Variants in EIF4B observed in about 807,000 individuals in gnomAD.
The protein encoded by EIF4B is eukaryotic translation initiation factor 4B.
Under a neutral mutation model 79.3 loss-of-function variants are expected in EIF4B, and 8 were observed. That is an observed-to-expected ratio of 0.10 (90% confidence interval 0.06 to 0.18). The LOEUF (loss-of-function observed/expected upper bound fraction) is 0.18. EIF4B is among the 10% of genes least tolerant of loss of function. EIF4B has a pLI of 1.00. For synonymous variants in EIF4B, 238 were observed against 274.7 expected (o/e 0.87, Z 1.32); for missense variants, 515 against 792.4 (o/e 0.65, Z 4.20).
chr12:53,031,196 C>T (rs996511895), intron 8 of EIF4B, among the ~76,000 whole-genome samples: 3 of 152,224 alleles, frequency 2.0e-5, no homozygotes, highest in African/African-American at 7.2e-5. Context: ...CTGTTTAGAC[C>T]TGTCTAGTTT....
intron 1 of EIF4B, among the ~76,000 whole-genome samples, chr12:53,010,061 A>G (rs1251274422): frequency 6.6e-6 from 1 of 152,230 alleles, no homozygotes; most frequent in Non-Finnish European, 1.5e-5. Flanking sequence ...TACCAAATCA[A>G]GAAGTTTAAC....
rs1943621415 is a variant in EIF4B, at chr12:53,040,788, C to CTCT, written c.*566_*567insCTT. 6.8e-6 allele frequency: 1 copy of CTCT among 147,876 alleles called. No homozygotes were observed. The highest frequency in any genetic ancestry group is 2.1e-4 in the South Asian group (1 of 4,708). The allele number at this position is 147,876 out of a possible 1,614,324, so 9.2% of individuals were successfully genotyped here. A position where few individuals can be genotyped will look rare whatever the true frequency, so the allele number is the denominator to read the frequency against. On this transcript the variant is annotated 3_prime_UTR_variant, in exon 15 of 15. Transcript: ENST00000262056. Reference sequence around the variant, plus strand: ...TTGGGGGCCAGCCTAGAGGGAATTCCTTTTTTTTTTTTAACCCCCCAGGGG... The same window carrying CTCT: ...TTGGGGGCCAGCCTAGAGGGAATTCCTCTTTTTTTTTTTTTAACCCCCCAGGGG...
intron 1 of EIF4B, among the ~76,000 whole-genome samples, chr12:53,014,112 C>T (rs990876734): frequency 2.0e-5 from 3 of 151,676 alleles, no homozygotes; most frequent in Non-Finnish European, 4.4e-5. Flanking sequence ...CAGTGAGCCA[C>T]GATTGCACCA....
At chr12:53,014,246 T>TA (rs776521252) in intron 1 of EIF4B, among the ~76,000 whole-genome samples, 127 of 133,238 alleles carry the variant, frequency 9.5e-4, no homozygotes, top group South Asian at 9.5e-4. Context: ...ACTGTGAAAC[T>TA]AAAAAAAAAA....
chr12:53,025,119 A>C (rs962576547), intron 6 of EIF4B: 2 of 416,778 alleles, frequency 4.8e-6, no homozygotes, highest in African/African-American at 4.1e-5. Flanking sequence ...TAAATCAGCA[A>C]GTTTATATCT....
In EIF4B at chr12:53,041,876, G is replaced by A. The variant is rs1023622720; in HGVS notation, c.*1653G>A. Reference sequence around the variant, plus strand: ...TTTAAAGAGTATTGAAGATTGAAAGGGTTTTTCTTTCTTTTTTAAAAAAGA... The same window carrying A: ...TTTAAAGAGTATTGAAGATTGAAAGAGTTTTTCTTTCTTTTTTAAAAAAGA... On this transcript the variant is annotated 3_prime_UTR_variant, in exon 15 of 15. Coordinates refer to ENST00000262056, the MANE Select transcript of EIF4B (RefSeq NM_001417.7). 1 of 152,152 alleles carries A rather than the reference G, an allele frequency of 6.6e-6. No individual in the cohort carries two copies. Among genetic ancestry groups the A allele is most frequent in the Non-Finnish European group, 1.5e-5 (1 of 68,014 alleles). The allele number at this position is 152,152 out of a possible 1,614,324, so 9.4% of individuals were successfully genotyped here.
intron 10 of EIF4B, among the ~76,000 whole-genome samples, chr12:53,036,222 C>T (rs560688478): frequency 1.3e-5 from 2 of 152,228 alleles, no homozygotes; most frequent in Admixed American, 1.3e-4. Context: ...AAGTGATTCT[C>T]CTGCCCAAGC....
chr12:53,039,799 A>G, intron 14 of EIF4B, 97 bp downstream of exon 14: 2 of 1,376,366 alleles, frequency 1.5e-6, no homozygotes, highest in Admixed American at 2.5e-5. Flanking sequence ...AGTATTCTAA[A>G]CTTTTTGCCG....
intron 8 of EIF4B, among the ~76,000 whole-genome samples, chr12:53,029,531 A>G (rs1195743110): frequency 6.6e-6 from 1 of 152,108 alleles, no homozygotes; most frequent in Non-Finnish European, 1.5e-5. Flanking sequence ...GCACGCCACC[A>G]TGCCCAGCTA....
intron 5 of EIF4B, 70 bp downstream of exon 5, chr12:53,021,930 A>G: frequency 6.3e-7 from 1 of 1,590,032 alleles, no homozygotes; most frequent in Admixed American, 1.7e-5. Context: ...CTTTCCCAGA[A>G]AATTTGAATA....
At chr12:53,013,371 A>T (rs1009818399) in intron 1 of EIF4B, among the ~76,000 whole-genome samples, 1 of 152,252 alleles carries the variant, frequency 6.6e-6, no homozygotes, top group Non-Finnish European at 1.5e-5. Context: ...AGCTAGCATC[A>T]TATTAATCCC....
In EIF4B at chr12:53,024,865, C is replaced by G. The variant is rs947360827; in HGVS notation, c.667+2238C>G. On this transcript the variant is annotated intron_variant, in intron 6 of 14. Transcript: ENST00000262056. ...AGAGATGGGGTTTCACCACGTTGGC[C>G]AGCTGGTCTCTAACTCCTTACCTCA... is the stretch of plus-strand genomic sequence containing the variant. Among the ~76,000 whole-genome samples, 35 of 152,088 alleles carry G rather than the reference C, an allele frequency of 2.3e-4. 1 individual carries two copies. Among genetic ancestry groups the G allele is most frequent in the African/African-American group, 8.5e-4 (35 of 41,414 alleles).
rs1943507329 is a variant in EIF4B at position 53,034,695 on chromosome 12, C to T, written c.1292C>T (p.Thr431Ile). The T allele has an allele frequency of 6.2e-7, 1 of 1,613,886 alleles. No individual in the cohort carries two copies. Among genetic ancestry groups the T allele is most frequent in the African/African-American group, 1.3e-5 (1 of 74,916 alleles). Residue 431 changes from threonine to isoleucine, a missense_variant, in exon 10 of 15, where the codon ACC (threonine) becomes ATC (isoleucine). By Grantham distance (89) the Thr-to-Ile change is moderately conservative (BLOSUM62 -1). Coordinates refer to ENST00000262056, the MANE Select transcript of EIF4B (RefSeq NM_001417.7). ...GSESSQTGTS[T>I]TSSRNARRRE... Reference sequence around the variant, plus strand: ...GAGTCATCACAAACTGGGACCTCCACCACATCTAGCAGAAGTAAGTCAGAC... The same window carrying T: ...GAGTCATCACAAACTGGGACCTCCATCACATCTAGCAGAAGTAAGTCAGAC...
chr12:53,014,284 C>T (rs1299289183), intron 1 of EIF4B, among the ~76,000 whole-genome samples: 1 of 151,612 alleles, frequency 6.6e-6, no homozygotes, highest in South Asian at 2.1e-4. Flanking sequence ...TGGTGGCACG[C>T]GCCTGTAGTC....
chr12:53,038,087 C>T (rs1415646831), intron 11 of EIF4B: 1 of 277,392 alleles, frequency 3.6e-6, no homozygotes, highest in Non-Finnish European at 6.8e-6. Flanking sequence ...TGCCATTGCA[C>T]TCCAGCCTGG....
In EIF4B at chr12:53,021,798, G is replaced by T. The variant is rs1230413690; in HGVS notation, c.478-8G>T. 5.0e-6 allele frequency: 8 copies of T among 1,614,168 alleles called. No individual in the cohort carries two copies. Among genetic ancestry groups the T allele is most frequent in the Non-Finnish European group, 6.8e-6 (8 of 1,180,028 alleles). On this transcript the variant is annotated splice_polypyrimidine_tract_variant and splice_region_variant and intron_variant, in intron 4 of 14. Transcript: ENST00000262056. ...AAAAGGTTGGTTAATATGGTCCTAT[G>T]CTCTCAGTCTCTAGGTAACAGGAGA...
Position 53,007,445 on chromosome 12 carries a change from T to TTTTTTTTTTTTTTTTTTA in EIF4B, c.13+952_13+953insTTTTTTTTTTTTTTATTT, listed in dbSNP as rs1555195258. ...CTTTTTTTTTTTTTTTTTTTTTTTT[T>TTTTTTTTTTTTTTTTTTA]TTTAAGGTAACTGTGCAACTACCAG... On this transcript the variant is annotated intron_variant, in intron 1 of 14. Coordinates refer to ENST00000262056, the MANE Select transcript of EIF4B (RefSeq NM_001417.7). Among the ~76,000 whole-genome samples, 2 of 120,768 alleles carry TTTTTTTTTTTTTTTTTTA rather than the reference T, an allele frequency of 1.7e-5. 1 individual carries two copies. Among genetic ancestry groups the TTTTTTTTTTTTTTTTTTA allele is most frequent in the Non-Finnish European group, 3.3e-5 (2 of 60,382 alleles). The allele number at this position is 120,768 out of a possible 152,430, so 79.2% of individuals were successfully genotyped here. A position where few individuals can be genotyped will look rare whatever the true frequency, so the allele number is the denominator to read the frequency against.
intron 2 of EIF4B, among the ~76,000 whole-genome samples, chr12:53,018,233 C>A (rs1943179470): frequency 6.6e-6 from 1 of 152,166 alleles, no homozygotes; most frequent in Admixed American, 6.5e-5. Flanking sequence ...AGGTGATCAC[C>A]CACCTTGGCC....
chr12:53,035,464 G>T (rs533619702), intron 10 of EIF4B, among the ~76,000 whole-genome samples: 1 of 151,978 alleles, frequency 6.6e-6, no homozygotes, highest in East Asian at 1.9e-4. Flanking sequence ...TGCCTCCCGG[G>T]TTCATGCCAT....
Sources: gnomAD v4.1 joint callset for allele counts (sites outside exome capture counted in the v4.1 genomes callset) on GRCh38, gnomAD v4.1.1 for gene constraint, MANE v1.5 for transcripts, NCBI Gene and HGNC (gene_info 2026-07-23, HGNC 2026-07-21) for gene names.